The following RIMBP2 variants were observed in gnomAD, a reference collection of about 807,000 sequenced individuals.
RIMBP2 encodes the protein RIMS-binding protein 2.
In RIMBP2, 48 loss-of-function variants were observed where a neutral mutation model predicts 118.6. The ratio of observed to expected loss-of-function variants is 0.40; its 90% CI spans 0.32 to 0.51. The LOEUF is 0.51. Ranked by LOEUF, RIMBP2 falls within the 20% of genes least tolerant of loss-of-function variation. The pLI is 0.41. For missense variants in RIMBP2, 1,551 were observed against 1,768.3 expected (o/e 0.88, Z 2.20); for synonymous variants, 762 against 742.9 (o/e 1.03, Z -0.42).
chr12:130,481,842 C>T (rs2082036308), intron 4 of RIMBP2, among the ~76,000 whole-genome samples: 1 of 152,186 alleles, frequency 6.6e-6, no homozygotes, highest in Non-Finnish European at 1.5e-5. Flanking sequence ...ACACTGCTCC[C>T]CCCGCCCCGC....
chr12:130,409,765 G>A (rs765681445), intron 19 of RIMBP2, among the ~76,000 whole-genome samples: 9 of 152,082 alleles, frequency 5.9e-5, no homozygotes, highest in African/African-American at 1.2e-4. Context: ...TGTGTGGGGC[G>A]CCTTCGTTCT....
intron 2 of RIMBP2, among the ~76,000 whole-genome samples, chr12:130,559,268 C>T (rs2056620957): frequency 1.3e-5 from 2 of 152,080 alleles, no homozygotes; most frequent in Non-Finnish European, 2.9e-5. Flanking sequence ...GAATTTATTC[C>T]ACCTAATAGA....
chr12:130,440,770 G>A (rs1327176905), intron 11 of RIMBP2, among the ~76,000 whole-genome samples: 3 of 152,228 alleles, frequency 2.0e-5, no homozygotes, highest in Admixed American at 6.5e-5. Context: ...CTACCTGGAC[G>A]TGCTGTCCCC....
At position 130,706,964 on chromosome 12, in the gene RIMBP2, C is replaced by A. The variant is rs965308838; in HGVS notation, c.-352+9258G>T. Among the ~76,000 whole-genome samples the A allele has an allele frequency of 2.6e-5, 4 of 152,174 alleles. No individual in the cohort carries two copies. The South Asian group carries it at 8.3e-4, about 32-fold the overall frequency. ...TGAGAGACCCACCTTCCCAGCCCTA[C>A]CCCATGGAAGAGAGAAAAATCCTAA... On this transcript the variant is annotated intron_variant, in intron 1 of 22. Transcript: ENST00000690449.
rs1049589891 is a variant in RIMBP2, at chr12:130,688,244, G to A, written c.-352+27978C>T. 3.3e-5 allele frequency among the ~76,000 whole-genome samples: 5 copies of A among 152,052 alleles called. No individual in the cohort carries two copies. The highest frequency in any genetic ancestry group is 1.9e-4 in the East Asian group (1 of 5,156). On this transcript the variant is annotated intron_variant, in intron 1 of 22. Coordinates refer to ENST00000690449, the MANE Select transcript of RIMBP2 (RefSeq NM_001393629.1). The surrounding 1 kb of genome is among the most constrained non-coding windows in gnomAD (Gnocchi z 4.7). ...GCGGCCTTGGTGGCATGGGCAACAC[G>A]TGCCCAGCTCTGCACCATGGGCACC...
intron 3 of RIMBP2, among the ~76,000 whole-genome samples, chr12:130,509,457 C>T (rs986625608): frequency 6.6e-6 from 1 of 152,324 alleles, no homozygotes; most frequent in African/African-American, 2.4e-5. Context: ...TGGTCTACCC[C>T]GGCTTCATTC....
intron 2 of RIMBP2, among the ~76,000 whole-genome samples, chr12:130,560,026 A>G (rs1358488214): frequency 1.3e-5 from 2 of 152,218 alleles, no homozygotes; most frequent in Non-Finnish European, 2.9e-5. Context: ...TGATTTGCTT[A>G]AGGGCAGACA....
intron 1 of RIMBP2, among the ~76,000 whole-genome samples, chr12:130,653,700 A>C (rs1262211477): frequency 2.0e-5 from 3 of 151,972 alleles, no homozygotes; most frequent in African/African-American, 7.3e-5. Context: ...TGGAACCCAG[A>C]CTTTCCCATA....
At position 130,623,374 on chromosome 12, in the gene RIMBP2, A is replaced by G. The variant is rs1028964197; in HGVS notation, c.-217+4948T>C. Among the ~76,000 whole-genome samples the G allele has an allele frequency of 2.1e-4, 32 of 152,296 alleles. No individual in the cohort carries two copies. The highest frequency in any genetic ancestry group is 3.5e-4 in the Non-Finnish European group (24 of 68,020). ...TGTCATCTAGGTTTTAAGCCCCACA[A>G]GTATTAGGTATTTGCCCTAATGCTC... On this transcript the variant is annotated intron_variant, in intron 2 of 22. Transcript: ENST00000690449. This position sits in a 1 kb window ranked among gnomAD's most constrained non-coding sequence, Gnocchi z 4.1.
chr12:130,509,167 C>G (rs2050657264), intron 3 of RIMBP2, among the ~76,000 whole-genome samples: 1 of 152,208 alleles, frequency 6.6e-6, no homozygotes, highest in South Asian at 2.1e-4. Context: ...AGAATTCCTA[C>G]CTTCCCTAAT....
At chr12:130,610,413 T>C (rs987666348) in intron 2 of RIMBP2, among the ~76,000 whole-genome samples, 2 of 152,224 alleles carry the variant, frequency 1.3e-5, no homozygotes, top group African/African-American at 2.4e-5. Flanking sequence ...CTCTCCATGC[T>C]TGTATAATAC....
At chr12:130,413,503 C>T (rs917373526) in intron 18 of RIMBP2, among the ~76,000 whole-genome samples, 2 of 151,814 alleles carry the variant, frequency 1.3e-5, no homozygotes, top group Non-Finnish European at 2.9e-5. Flanking sequence ...TGTGATGGCG[C>T]GCATCTGTGT....
chr12:130,464,695 C>G (rs140123252), intron 6 of RIMBP2, among the ~76,000 whole-genome samples: 2 of 152,248 alleles, frequency 1.3e-5, no homozygotes, highest in Non-Finnish European at 2.9e-5. Context: ...GAGGGACTTG[C>G]GGTCACACCC....
chr12:130,584,161 TCAC>T (rs1440950139), intron 2 of RIMBP2, among the ~76,000 whole-genome samples: 1 of 142,698 alleles, frequency 7.0e-6, no homozygotes, highest in East Asian at 2.3e-4. Flanking sequence ...GGTTACATCA[TCAC>T]CACAATCACA....
chr12:130,606,324 C>G lies in RIMBP2; in HGVS notation c.-217+21998G>C, dbSNP rs544454669. ...AACATTGCATTCCTGGGATTACCCC[C>G]TCTCACTATTATTCTACCACTAACT... On this transcript the variant is annotated intron_variant, in intron 2 of 22. Transcript: ENST00000690449. 5.9e-5 allele frequency among the ~76,000 whole-genome samples: 9 copies of G among 152,352 alleles called. No individual in the cohort carries two copies. In the East Asian group the frequency reaches 1.7e-3, roughly 29 times the overall value.
At chr12:130,544,893 A>G (rs1164899164) in intron 2 of RIMBP2, among the ~76,000 whole-genome samples, 1 of 152,108 alleles carries the variant, frequency 6.6e-6, no homozygotes, top group Non-Finnish European at 1.5e-5. Context: ...GCATACTAAG[A>G]CAGATGGAGA....
At chr12:130,510,652 A>C (rs1291594472) in intron 3 of RIMBP2, among the ~76,000 whole-genome samples, 1 of 152,112 alleles carries the variant, frequency 6.6e-6, no homozygotes, top group East Asian at 1.9e-4. Flanking sequence ...CATTTTAAGG[A>C]GAGACAAGGT....
intron 17 of RIMBP2, among the ~76,000 whole-genome samples, chr12:130,416,761 T>A (rs7316365): frequency 6.6e-6 from 1 of 151,986 alleles, no homozygotes; most frequent in East Asian, 1.9e-4. Flanking sequence ...CAAAAGAAAC[T>A]ATCAACAGAG....
rs1303962450 is a variant in RIMBP2 at position 130,622,476 on chromosome 12, T to C, written c.-217+5846A>G. Among the ~76,000 whole-genome samples, 1 of 151,914 alleles carries C rather than the reference T, an allele frequency of 6.6e-6. No homozygotes were observed. Among genetic ancestry groups the C allele is most frequent in the Non-Finnish European group, 1.5e-5 (1 of 67,992 alleles). On this transcript the variant is annotated intron_variant, in intron 2 of 22. Coordinates refer to ENST00000690449, the MANE Select transcript of RIMBP2 (RefSeq NM_001393629.1). This position sits in a 1 kb window ranked among gnomAD's most constrained non-coding sequence, Gnocchi z 8.5. ...ATTGTACGTATAATTCTCTACTATT[T>C]TTCATATATTTATATATAATATATA...
Sources: gnomAD v4.1 joint callset for allele counts (sites outside exome capture counted in the v4.1 genomes callset) on GRCh38, gnomAD v4.1.1 for gene constraint, Gnocchi (gnomAD v3.1) non-coding constraint, MANE v1.5 for transcripts, NCBI Gene and HGNC (gene_info 2026-07-23, HGNC 2026-07-21) for gene names.